LETM2: variants seen among roughly 807,000 people sequenced by gnomAD.
LETM2 encodes the protein leucine zipper and EF-hand containing transmembrane protein 2, also known as LETM1 domain-containing protein LETM2, mitochondrial.
A neutral mutation model predicts 59.6 loss-of-function variants in LETM2; 58 were observed. That is an observed-to-expected ratio of 0.97 (90% CI 0.79 to 1.21). The LOEUF (loss-of-function observed/expected upper bound fraction) is 1.21. Among genes scored for constraint, LETM2 ranks in the 50% most tolerant of loss-of-function variants. LETM2 has a pLI of 0.00. For synonymous variants in LETM2, 199 were observed against 214.1 expected (o/e 0.93, Z 0.62); for missense variants, 572 against 575.7 (o/e 0.99, Z 0.07).
rs1352550538 is a variant in LETM2 at position 38,404,431 on chromosome 8, C to A, written c.1143C>A (p.Ser381=). The A allele has an allele frequency of 6.2e-7, 1 of 1,614,000 alleles. No homozygotes were observed. The highest frequency in any genetic ancestry group is 1.3e-5 in the African/African-American group (1 of 74,918). Residue 381 remains serine (S), a synonymous_variant, in exon 8 of 11, where the codon TCC becomes TCA. Coordinates refer to ENST00000379957, the MANE Select transcript of LETM2 (RefSeq NM_001286819.2). The part of the protein sequence containing the change: ...DLHLKENVPP[S]LLLLSRTFYL... Reference sequence around the variant, plus strand: ...ACCTGAAGGAGAACGTCCCTCCTTCCCTTTTGCTCCTGTCCCGCACCTTCT... The same window carrying A: ...ACCTGAAGGAGAACGTCCCTCCTTCACTTTTGCTCCTGTCCCGCACCTTCT...
At chr8:38,404,546 A>T in intron 8 of LETM2, 40 bp downstream of exon 8, 1 of 1,236,166 alleles carries the variant, frequency 8.1e-7, no homozygotes, top group Non-Finnish European at 1.2e-6. Context: ...ACGTCCATCC[A>T]ACTGAGGCCT....
In LETM2 at chr8:38,402,635, G is replaced by C; in HGVS notation, c.1095G>C (p.Gln365His). ...LGLTEEQLRQQLTEWQDLHLK... is the reference protein window; with the variant it reads ...LGLTEEQLRQHLTEWQDLHLK... The stretch of plus-strand genomic sequence containing the variant: ...TCACGGAGGAACAACTGCGACAACA[G>C]CTCACGGAGGCAAGTAGCAGCGCCC... The change falls in exon 7 of 11, where the codon CAG (glutamine) becomes CAC (histidine). Residue 365 changes from glutamine to histidine, a missense_variant. Physicochemically the swap from Gln to His is conservative, Grantham distance 24. Transcript: ENST00000379957. 3 of 1,614,090 alleles carry C rather than the reference G, an allele frequency of 1.9e-6. No individual in the cohort carries two copies. The highest frequency in any genetic ancestry group is 2.5e-6 in the Non-Finnish European group (3 of 1,179,986).
intron 3 of LETM2, chr8:38,393,693 A>G (rs1356810534): frequency 6.3e-6 from 1 of 160,000 alleles, no homozygotes; most frequent in Non-Finnish European, 1.4e-5. Flanking sequence ...CTATTAAAGT[A>G]TGGACCCTCT....
upstream of LETM2, chr8:38,386,295 C>T (rs1340088993): frequency 2.0e-5 from 3 of 152,374 alleles, no homozygotes; most frequent in African/African-American, 4.8e-5. Flanking sequence ...TCGGGCCCCC[C>T]AGCACCAACG....
At chr8:38,400,749 A>C in intron 5 of LETM2, 104 bp from the exon 6 acceptor site, 1 of 1,006,448 alleles carries the variant, frequency 9.9e-7, no homozygotes, top group Non-Finnish European at 1.5e-6. Flanking sequence ...CAGATGTCAG[A>C]CAGAGTCCCA....
intron 7 of LETM2, 100 bp downstream of exon 7, chr8:38,402,744 A>C: frequency 7.8e-7 from 1 of 1,286,316 alleles, no homozygotes; most frequent in East Asian, 2.4e-5. Flanking sequence ...GAACCGTCTT[A>C]CTTAATTTGC....
At position 38,408,203 on chromosome 8, in the gene LETM2, T is replaced by C. The variant is rs780703791; in HGVS notation, c.1414-9T>C. ...ACTAATGCCTACAGTCCTTGTTTTT[T>C]ACGCCTAGACACTCCAGGCCAAATC... is the stretch of plus-strand genomic sequence containing the variant. On this transcript the variant is annotated splice_polypyrimidine_tract_variant and intron_variant, in intron 10 of 10. Transcript: ENST00000379957. 6 of 1,611,136 alleles carry C rather than the reference T, an allele frequency of 3.7e-6. No homozygotes were observed. The South Asian group carries it at 4.4e-5, about 12-fold the overall frequency.
In LETM2 at chr8:38,400,834, T is replaced by C. The variant is rs373742334; in HGVS notation, c.784-19T>C. On this transcript the variant is annotated intron_variant, in intron 5 of 10. Transcript: ENST00000379957. ...AGTAGAAAACACATTTTAATTGGCC[T>C]TTTTGTCCCACTGCATAGGTCCAGA... is the stretch of plus-strand genomic sequence containing the variant. 94 of 1,599,842 alleles carry C rather than the reference T, an allele frequency of 5.9e-5. No homozygotes were observed. The highest frequency in any genetic ancestry group is 7.9e-5 in the Non-Finnish European group (92 of 1,171,652).
chr8:38,393,784 C>G (rs1374218439), intron 3 of LETM2: 1 of 242,402 alleles, frequency 4.1e-6, no homozygotes. Context: ...AAAGTTACTT[C>G]AGAGCTATGG....
chr8:38,385,615 TTC>T (rs932395548), upstream of LETM2, among the ~76,000 whole-genome samples: 1 of 152,180 alleles, frequency 6.6e-6, no homozygotes, highest in Non-Finnish European at 1.5e-5. Context: ...CCAAGATGTT[TTC>T]TGTCTCCTGA....
intron 2 of LETM2, among the ~76,000 whole-genome samples, chr8:38,390,399 A>T (rs1281809960): frequency 6.6e-6 from 1 of 151,830 alleles, no homozygotes; most frequent in Non-Finnish European, 1.5e-5. Flanking sequence ...AGGCAGGCAG[A>T]TCACTTGAGG....
Position 38,408,343 on chromosome 8 carries a change from C to T in LETM2, c.*69C>T. ...CTCAACAGTGGCATCTGTAAAGGAC[C>T]TCCCAGATAAGACTGTCTGGCTTCA... On this transcript the variant is annotated 3_prime_UTR_variant, in exon 11 of 11. Transcript: ENST00000379957. The T allele has an allele frequency of 7.5e-7, 1 of 1,336,128 alleles. No individual in the cohort carries two copies. Among genetic ancestry groups the T allele is most frequent in the Non-Finnish European group, 1.1e-6 (1 of 941,444 alleles). The allele number at this position is 1,336,128 out of a possible 1,614,324, so 82.8% of individuals were successfully genotyped here.
chr8:38,396,756 T>TA (rs1563389687), intron 4 of LETM2, among the ~76,000 whole-genome samples: 1 of 151,818 alleles, frequency 6.6e-6, no homozygotes, highest in Non-Finnish European at 1.5e-5. Flanking sequence ...ACAAAAATTT[T>TA]AAACAAATTA....
intron 9 of LETM2, 70 bp from the exon 10 acceptor site, chr8:38,407,292 G>A: frequency 1.7e-6 from 2 of 1,166,872 alleles, no homozygotes; most frequent in Non-Finnish European, 2.6e-6. Flanking sequence ...GGTAGTCAAG[G>A]TAGTGGACTG....
At position 38,409,205 on chromosome 8, in the gene LETM2, G is replaced by A. The variant is rs1006666995; in HGVS notation, c.*931G>A. 2 of 152,206 alleles carry A rather than the reference G, an allele frequency of 1.3e-5. No individual in the cohort carries two copies. Among genetic ancestry groups the A allele is most frequent in the East Asian group, 1.9e-4 (1 of 5,198 alleles). 9.4% of individuals were successfully genotyped at this position (152,206 alleles called of 1,614,324 possible). On this transcript the variant is annotated 3_prime_UTR_variant, in exon 11 of 11. Transcript: ENST00000379957. ...CAAGGGCTTTCTTCCCCTGGGGAGTGGTTAGAAGGCCAAAGGTATTTCAGC... is the reference window on the plus strand; with the variant it reads ...CAAGGGCTTTCTTCCCCTGGGGAGTAGTTAGAAGGCCAAAGGTATTTCAGC...
chr8:38,390,823 C>T (rs1158113346), intron 2 of LETM2, among the ~76,000 whole-genome samples: 2 of 150,676 alleles, frequency 1.3e-5, no homozygotes, highest in Non-Finnish European at 3.0e-5. Flanking sequence ...GCTGGGACTA[C>T]AGGTGCACTC....
chr8:38,407,965 A>G (rs1320793558), intron 10 of LETM2: 2 of 474,750 alleles, frequency 4.2e-6, no homozygotes, highest in Admixed American at 7.0e-5. Flanking sequence ...CCTGTGGACC[A>G]AAGACATGGC....
upstream of LETM2, among the ~76,000 whole-genome samples, chr8:38,385,153 G>T (rs1811722257): frequency 6.6e-6 from 1 of 152,198 alleles, no homozygotes; most frequent in Admixed American, 6.5e-5. Flanking sequence ...GAGACCTCTA[G>T]TGGCCAAACT....
At chr8:38,382,642 T>G (rs768387601), upstream of LETM2, 1 of 152,302 alleles carries the variant, frequency 6.6e-6, no homozygotes, top group Non-Finnish European at 1.5e-5. The surrounding 1 kb of genome is among the most constrained non-coding windows in gnomAD (Gnocchi z 4.2). Flanking sequence ...ACCAGCGCCA[T>G]ACGGCGCTCC....
Sources: gnomAD v4.1 joint callset for allele counts (sites outside exome capture counted in the v4.1 genomes callset) on GRCh38, gnomAD v4.1.1 for gene constraint, Gnocchi (gnomAD v3.1) non-coding constraint, MANE v1.5 for transcripts, NCBI Gene and HGNC (gene_info 2026-07-23, HGNC 2026-07-21) for gene names.